Variants in DGKD observed in about 807,000 individuals in gnomAD.
DGKD encodes diacylglycerol kinase delta.
A neutral mutation model predicts 154.4 loss-of-function variants in DGKD; 68 were observed. That is an observed-to-expected ratio of 0.44 (90% confidence interval 0.36 to 0.54). The LOEUF is 0.54. DGKD is among the 20% of genes least tolerant of loss of function. DGKD has a pLI of 0.00. For synonymous variants in DGKD, 693 were observed against 638.0 expected (o/e 1.09, Z -1.30); for missense variants, 1,343 against 1,593.6 (o/e 0.84, Z 2.68).
chr2:233,415,690 C>A (rs1458311447), intron 3 of DGKD, among the ~76,000 whole-genome samples: 1 of 152,206 alleles, frequency 6.6e-6, no homozygotes, highest in East Asian at 1.9e-4. Flanking sequence ...ATGGCGTGAT[C>A]AAGGTTCATT....
intron 1 of DGKD, among the ~76,000 whole-genome samples, chr2:233,375,773 CGT>C (rs1702541675): frequency 6.6e-6 from 1 of 151,924 alleles, no homozygotes; most frequent in Non-Finnish European, 1.5e-5. Context: ...AAGTAGAGAC[CGT>C]TGAATTAATC....
chr2:233,412,636 AG>A (rs1264641280), intron 3 of DGKD, among the ~76,000 whole-genome samples: 1 of 152,246 alleles, frequency 6.6e-6, no homozygotes, highest in African/African-American at 2.4e-5. Context: ...AGTGTTGAAT[AG>A]GAGTAGCGAA....
At chr2:233,463,857 T>G (rs1349386575) in intron 26 of DGKD, 1 of 362,196 alleles carries the variant, frequency 2.8e-6, no homozygotes, top group Non-Finnish European at 5.2e-6. Context: ...GCATTTCCAC[T>G]GCTTGACACA....
chr2:233,435,572 CAG>C (rs1022099342), intron 5 of DGKD, among the ~76,000 whole-genome samples: 2 of 152,206 alleles, frequency 1.3e-5, no homozygotes, highest in Non-Finnish European at 2.9e-5. Flanking sequence ...TTGCGACCTG[CAG>C]AGTCTCCACT....
rs1002362080 is a variant in DGKD, at chr2:233,457,902, TC to T, written c.2581-380del. ...ATAGGTTTAAACCTGGTTTAAACCT[TC>T]CTTTGTACGTAATAGCGAATAGAAG... On this transcript the variant is annotated intron_variant, in intron 21 of 29. Transcript: ENST00000264057. The surrounding 1 kb of genome is among the most constrained non-coding windows in gnomAD (Gnocchi z 5.5). 9.5e-6 allele frequency: 3 copies of T among 315,408 alleles called. No individual in the cohort carries two copies. Among genetic ancestry groups the T allele is most frequent in the African/African-American group, 6.4e-5 (3 of 46,936 alleles). The allele number at this position is 315,408 out of a possible 1,614,324, so 19.5% of individuals were successfully genotyped here.
At chr2:233,451,141 G>T (rs1006205987) in intron 17 of DGKD, 91 bp downstream of exon 17, 4 of 1,257,932 alleles carry the variant, frequency 3.2e-6, no homozygotes, top group African/African-American at 1.5e-5. Flanking sequence ...TGCCCTCGGA[G>T]AGTTTACAGG....
At chr2:233,437,894 G>A (rs2125599440) in intron 8 of DGKD, among the ~76,000 whole-genome samples, 1 of 152,346 alleles carries the variant, frequency 6.6e-6, no homozygotes, top group East Asian at 1.9e-4. Flanking sequence ...CTCATGTCTG[G>A]CTGGGACATG....
intron 1 of DGKD, among the ~76,000 whole-genome samples, chr2:233,367,907 G>C (rs759749689): frequency 1.1e-4 from 15 of 139,954 alleles, no homozygotes; most frequent in Non-Finnish European, 2.3e-4. Context: ...AGCCAGTCTG[G>C]TCTTGAACTC....
At chr2:233,460,996 C>A (rs967855146) in intron 24 of DGKD, among the ~76,000 whole-genome samples, 2 of 150,658 alleles carry the variant, frequency 1.3e-5, no homozygotes, top group Non-Finnish European at 2.9e-5. Flanking sequence ...AACAGGCTTG[C>A]TCTTTGTTCT....
intron 19 of DGKD, among the ~76,000 whole-genome samples, chr2:233,456,563 A>G (rs990599862): frequency 1.3e-5 from 2 of 152,168 alleles, no homozygotes; most frequent in Non-Finnish European, 2.9e-5. Context: ...CAGTTTTTCT[A>G]TGGTAAGCAT....
At chr2:233,361,792 T>C (rs1701793348) in intron 1 of DGKD, among the ~76,000 whole-genome samples, 2 of 152,064 alleles carry the variant, frequency 1.3e-5, no homozygotes, top group African/African-American at 4.8e-5. Flanking sequence ...CTAAAGATAC[T>C]AGACATTTTT....
chr2:233,436,208 C>CTTG, intron 6 of DGKD, 108 bp from the exon 7 acceptor site: 2 of 1,547,864 alleles, frequency 1.3e-6, no homozygotes, highest in South Asian at 2.4e-5. Context: ...AGGGAAGGAG[C>CTTG]TTGTTCTGGG....
intron 3 of DGKD, among the ~76,000 whole-genome samples, chr2:233,403,861 C>T (rs1447803668): frequency 2.0e-5 from 3 of 152,136 alleles, no homozygotes; most frequent in East Asian, 2.0e-4. Flanking sequence ...AGGCCGGTCT[C>T]GAACTCCTGA....
At chr2:233,372,135 G>A (rs551462429) in intron 1 of DGKD, among the ~76,000 whole-genome samples, 1 of 152,076 alleles carries the variant, frequency 6.6e-6, no homozygotes, top group South Asian at 2.1e-4. Flanking sequence ...GATCCTCCCA[G>A]TCAGCCTCCT....
intron 3 of DGKD, among the ~76,000 whole-genome samples, chr2:233,417,631 A>G (rs2061991424): frequency 6.6e-6 from 1 of 152,218 alleles, no homozygotes; most frequent in Non-Finnish European, 1.5e-5. Flanking sequence ...TTTTAATACA[A>G]ATAACATGTA....
intron 1 of DGKD, among the ~76,000 whole-genome samples, chr2:233,358,040 G>A (rs1574969163): frequency 1.3e-5 from 2 of 152,210 alleles, no homozygotes; most frequent in East Asian, 3.8e-4. Context: ...AGCATTTCAT[G>A]CATGTCTGAT....
At position 233,468,491 on chromosome 2, in the gene DGKD, A is replaced by G. The variant is rs777791228; in HGVS notation, c.3493A>G (p.Ile1165Val). The change falls in exon 29 of 30, where the codon ATC becomes GTC. Residue 1165 changes from isoleucine to valine, a missense_variant. By Grantham distance (29) the Ile-to-Val change is conservative. Transcript: ENST00000264057. The stretch of plus-strand genomic sequence containing the variant: ...CCTCAGTCTCTGTGAGTATAAGGAC[A>G]TCTTCACACGGCACGACATCCGGGG... ...EHLSLCEYKDIFTRHDIRGSE... is the reference protein window; with the variant it reads ...EHLSLCEYKDVFTRHDIRGSE... 1.2e-6 allele frequency: 2 copies of G among 1,613,578 alleles called. No homozygotes were observed. The highest frequency in any genetic ancestry group is 2.2e-5 in the South Asian group (2 of 91,022).
At position 233,432,517 on chromosome 2, in the gene DGKD, G is replaced by A. The variant is rs533375461; in HGVS notation, c.349-1863G>A. On this transcript the variant is annotated intron_variant, in intron 3 of 29. Coordinates refer to ENST00000264057, the MANE Select transcript of DGKD (RefSeq NM_152879.3). Reference sequence around the variant, plus strand: ...TACTAAAAATACAAAAAATTAGCTGGGTGTGGTGGCGGGCGCCTGTAGTCC... The same window carrying A: ...TACTAAAAATACAAAAAATTAGCTGAGTGTGGTGGCGGGCGCCTGTAGTCC... Among the ~76,000 whole-genome samples the A allele has an allele frequency of 6.6e-5, 10 of 152,304 alleles. No homozygotes were observed. The South Asian group carries it at 2.1e-3, about 32-fold the overall frequency.
intron 5 of DGKD, among the ~76,000 whole-genome samples, chr2:233,435,234 C>T (rs2062649992): frequency 6.6e-6 from 1 of 152,128 alleles, no homozygotes; most frequent in Non-Finnish European, 1.5e-5. Context: ...CGGGGCTGTG[C>T]ATATATGGAC....
Sources: gnomAD v4.1 joint callset for allele counts (sites outside exome capture counted in the v4.1 genomes callset) on GRCh38, gnomAD v4.1.1 for gene constraint, Gnocchi (gnomAD v3.1) non-coding constraint, MANE v1.5 for transcripts, NCBI Gene and HGNC (gene_info 2026-07-23, HGNC 2026-07-21) for gene names.